The following CEP170 variants were observed in gnomAD, a reference collection of about 807,000 sequenced individuals.
CEP170 encodes centrosomal protein 170.
In CEP170, 21 loss-of-function variants were observed where a neutral mutation model predicts 151.9. That is an observed-to-expected ratio of 0.14 (90% confidence interval 0.10 to 0.20). CEP170 has a LOEUF of 0.20. CEP170 is among the 10% of genes least tolerant of loss of function. CEP170 has a pLI of 1.00. For synonymous variants in CEP170, 356 were observed against 648.8 expected (o/e 0.55, Z 6.86); for missense variants, 964 against 1,892.9 (o/e 0.51, Z 9.11).
chr1:243,193,274 T>A (rs1470445099), intron 7 of CEP170, among the ~76,000 whole-genome samples: 2 of 151,936 alleles, frequency 1.3e-5, no homozygotes, highest in East Asian at 3.9e-4. Context: ...AGACATTGAT[T>A]TTTTTTTACT....
At chr1:243,146,755 T>G (rs1349611972) in intron 14 of CEP170, among the ~76,000 whole-genome samples, 4 of 151,682 alleles carry the variant, frequency 2.6e-5, no homozygotes, top group Non-Finnish European at 4.4e-5. Flanking sequence ...AAAAGTACAC[T>G]TGTAAGAGAC....
intron 1 of CEP170, among the ~76,000 whole-genome samples, chr1:243,228,503 A>T (rs2063477308): frequency 6.6e-6 from 1 of 152,242 alleles, no homozygotes; most frequent in Non-Finnish European, 1.5e-5. Context: ...TCCAAATTTT[A>T]CTGGAGAAAA....
rs115363292 is a variant in CEP170 at position 243,241,959 on chromosome 1, T to C, written c.-42+13081A>G. Among the ~76,000 whole-genome samples, 1,011 of 152,066 alleles carry C rather than the reference T, an allele frequency of 6.6e-3. 11 individuals are homozygous for C. Among genetic ancestry groups the C allele is most frequent in the African/African-American group, 0.023 (959 of 41,488 alleles). The stretch of plus-strand genomic sequence containing the variant: ...ATATTAGAGCACAGGAAAAGCACAA[T>C]GTACTGATTTAGAATGCAGACTGGA... On this transcript the variant is annotated intron_variant, in intron 1 of 19. Transcript: ENST00000366542.
In CEP170 at chr1:243,155,986, G is replaced by A. The variant is rs12404805; in HGVS notation, c.3911+235C>T. On this transcript the variant is annotated intron_variant, in intron 14 of 19. Coordinates refer to ENST00000366542, the MANE Select transcript of CEP170 (RefSeq NM_014812.3). The stretch of plus-strand genomic sequence containing the variant: ...AGAAATTCTTAAAAAGGGAGGGGGG[G>A]AGACAGAAAAGGTCAAAATAAATTA... Among the ~76,000 whole-genome samples the A allele has an allele frequency of 7.8e-3, 1,191 of 152,098 alleles. 26 individuals carry two copies. Among genetic ancestry groups the A allele is most frequent in the Admixed American group, 0.052 (792 of 15,266 alleles).
intron 18 of CEP170, 65 bp downstream of exon 18, chr1:243,129,295 A>G: frequency 7.5e-7 from 1 of 1,333,518 alleles, no homozygotes; most frequent in Non-Finnish European, 9.9e-7. Context: ...GCTCAAAAAT[A>G]AGGGTCTTTT....
intron 1 of CEP170, among the ~76,000 whole-genome samples, chr1:243,232,075 C>G (rs943534262): frequency 6.6e-6 from 1 of 152,098 alleles, no homozygotes; most frequent in South Asian, 2.1e-4. Context: ...GCTCCAGGCT[C>G]CCACCTCACC....
At chr1:243,242,645 C>T (rs920770279) in intron 1 of CEP170, among the ~76,000 whole-genome samples, 1 of 152,172 alleles carries the variant, frequency 6.6e-6, no homozygotes, top group African/African-American at 2.4e-5. Flanking sequence ...ACTTTATTTA[C>T]CTTTCACCGA....
rs1480474283 is a variant in CEP170 at position 243,129,391 on chromosome 1, C to T, written c.4382G>A (p.Ser1461Asn). 1.9e-6 allele frequency: 3 copies of T among 1,597,836 alleles called. No homozygotes were observed. Among genetic ancestry groups the T allele is most frequent in the Non-Finnish European group, 1.7e-6 (2 of 1,171,728 alleles). ...TGAGGTTTTCACAATAGGGACTTCACTTTCGGCTCTTAATTTGCTTTCTAT... is the reference window on the plus strand; with the variant it reads ...TGAGGTTTTCACAATAGGGACTTCATTTTCGGCTCTTAATTTGCTTTCTAT... ...DDIESKLRAE[S>N]EVPIVKTSSM... Residue 1461 changes from serine (S) to asparagine (N), a missense_variant, in exon 18 of 20, where the codon AGT becomes AAT. By Grantham distance (46) the Ser-to-Asn change is conservative. Coordinates refer to ENST00000366542, the MANE Select transcript of CEP170 (RefSeq NM_014812.3).
chr1:243,166,412 A>G, intron 12 of CEP170: 1 of 318,924 alleles, frequency 3.1e-6, no homozygotes, highest in East Asian at 5.8e-5. Flanking sequence ...GTGAATAAGT[A>G]CAAAAAAATA....
Position 243,126,382 on chromosome 1 carries a change from A to G in CEP170, c.*67T>C. 6.7e-7 allele frequency: 1 copy of G among 1,499,826 alleles called. No homozygotes were observed. Among genetic ancestry groups the G allele is most frequent in the Non-Finnish European group, 9.1e-7 (1 of 1,104,666 alleles). 92.9% of individuals were successfully genotyped at this position (1,499,826 alleles called of 1,614,324 possible). Reference sequence around the variant, plus strand: ...AAGCTGTCTTGTTTTGCGTACATCAACACTATGCTGCTTCCAATATTCCTA... The same window carrying G: ...AAGCTGTCTTGTTTTGCGTACATCAGCACTATGCTGCTTCCAATATTCCTA... On this transcript the variant is annotated 3_prime_UTR_variant, in exon 20 of 20. Coordinates refer to ENST00000366542, the MANE Select transcript of CEP170 (RefSeq NM_014812.3).
chr1:243,153,928 C>A (rs1572290706), intron 14 of CEP170, among the ~76,000 whole-genome samples: 1 of 152,266 alleles, frequency 6.6e-6, no homozygotes, highest in East Asian at 1.9e-4. Context: ...TCATGTCTTA[C>A]ATTCCTACTC....
chr1:243,188,252 C>T (rs558268252), intron 8 of CEP170, among the ~76,000 whole-genome samples: 7 of 151,976 alleles, frequency 4.6e-5, no homozygotes, highest in Admixed American at 1.3e-4. Context: ...TAACAGATCA[C>T]GCACATACAG....
chr1:243,188,750 C>T (rs2060089810), intron 8 of CEP170, among the ~76,000 whole-genome samples: 1 of 152,160 alleles, frequency 6.6e-6, no homozygotes, highest in Non-Finnish European at 1.5e-5. Context: ...TTTGTTTTGC[C>T]TACTTTCAAT....
At chr1:243,196,748 C>T (rs867281262) in intron 7 of CEP170, among the ~76,000 whole-genome samples, 6 of 152,160 alleles carry the variant, frequency 3.9e-5, no homozygotes, top group Non-Finnish European at 5.9e-5. Context: ...GTATATTATG[C>T]GGTACTTGAA....
At chr1:243,132,453 T>G (rs1428688140) in intron 17 of CEP170, among the ~76,000 whole-genome samples, 1 of 152,168 alleles carries the variant, frequency 6.6e-6, no homozygotes, top group African/African-American at 2.4e-5. Flanking sequence ...ATAGAAATGG[T>G]TTTATCCTCA....
intron 10 of CEP170, among the ~76,000 whole-genome samples, chr1:243,177,870 A>G (rs2059353699): frequency 6.6e-6 from 1 of 152,246 alleles, no homozygotes; most frequent in African/African-American, 2.4e-5. Flanking sequence ...GGGAGTCAGG[A>G]GAGACATTTT....
At chr1:243,182,409 T>C (rs2059679308) in intron 10 of CEP170, among the ~76,000 whole-genome samples, 1 of 152,110 alleles carries the variant, frequency 6.6e-6, no homozygotes, top group Admixed American at 6.6e-5. Context: ...CAGATCTGTA[T>C]TTTTAGCCCA....
chr1:243,192,808 T>C (rs1185293957), intron 7 of CEP170, among the ~76,000 whole-genome samples: 1 of 152,204 alleles, frequency 6.6e-6, no homozygotes, highest in Admixed American at 6.5e-5. Flanking sequence ...AAGAATGATA[T>C]AGTAACATCT....
chr1:243,145,278 CTTA>C (rs1245853220), intron 14 of CEP170, among the ~76,000 whole-genome samples: 1 of 152,128 alleles, frequency 6.6e-6, no homozygotes, highest in Non-Finnish European at 1.5e-5. Context: ...AAAAATTTGC[CTTA>C]TTATTATTTT....
Sources: allele counts gnomAD v4.1 joint callset (sites outside exome capture counted in the v4.1 genomes callset), GRCh38; gene constraint gnomAD v4.1.1; transcripts MANE v1.5; gene names NCBI Gene and HGNC (gene_info 2026-07-23, HGNC 2026-07-21).